The following SBNO1 variants were observed in gnomAD, a reference collection of about 807,000 sequenced individuals.
SBNO1 encodes the protein strawberry notch homolog 1.
Under a neutral mutation model 173.6 loss-of-function variants are expected in SBNO1, and 23 were observed. The ratio of observed to expected loss-of-function variants is 0.13; its 90% CI spans 0.10 to 0.19. The LOEUF (loss-of-function observed/expected upper bound fraction) is 0.19. Ranked by LOEUF, SBNO1 falls within the 10% of genes least tolerant of loss-of-function variation. SBNO1 has a pLI of 1.00. For synonymous variants in SBNO1, 632 were observed against 571.5 expected, an observed-to-expected ratio of 1.11 and a Z score of -1.51; for missense variants, 1,238 against 1,671.2, an observed-to-expected ratio of 0.74 and a Z score of 4.52.
chr12:123,345,152 A>G (rs903505317), intron 4 of SBNO1, 106 bp downstream of exon 4: 30 of 945,310 alleles, frequency 3.2e-5, no homozygotes, highest in African/African-American at 4.9e-5. Context: ...TGCATATAAC[A>G]CCCTTTTATG....
chr12:123,354,134 T>C (rs371555480), intron 1 of SBNO1, among the ~76,000 whole-genome samples: 4 of 152,148 alleles, frequency 2.6e-5, no homozygotes, highest in South Asian at 2.1e-4. Flanking sequence ...TTGATGTTCA[T>C]GTAAGAAAGA....
chr12:123,298,358 C>G (rs948458537), intron 30 of SBNO1, among the ~76,000 whole-genome samples, 187 bp from the exon 31 acceptor site: 5 of 152,088 alleles, frequency 3.3e-5, no homozygotes, highest in African/African-American at 1.2e-4. Context: ...CCTCTGCCTC[C>G]CAGGGTCAAG....
At chr12:123,325,676 A>T in intron 14 of SBNO1, 77 bp from the exon 15 acceptor site, 1 of 938,594 alleles carries the variant, frequency 1.1e-6, no homozygotes, top group Non-Finnish European at 1.7e-6. Flanking sequence ...TTAAACATTT[A>T]GCTAAACAAA....
Position 123,297,959 on chromosome 12 carries a change from A to T in SBNO1, c.4039+19T>A. Reference sequence around the variant, plus strand: ...CGATTTTTTCCTGCAACTCAAACCAAAACAAAAATTAGACTCACCTACAAT... The same window carrying T: ...CGATTTTTTCCTGCAACTCAAACCATAACAAAAATTAGACTCACCTACAAT... On this transcript the variant is annotated intron_variant, in intron 31 of 31. Coordinates refer to ENST00000602398, the MANE Select transcript of SBNO1 (RefSeq NM_001167856.3). 6.2e-7 allele frequency: 1 copy of T among 1,608,358 alleles called. No homozygotes were observed. Among genetic ancestry groups the T allele is most frequent in the African/African-American group, 1.3e-5 (1 of 74,632 alleles).
intron 27 of SBNO1, 31 bp downstream of exon 27, chr12:123,309,458 G>C (rs1441758408): frequency 1.3e-6 from 2 of 1,599,670 alleles, no homozygotes; most frequent in Admixed American, 3.3e-5. Context: ...CTCATGGGAA[G>C]ACGATACTTC....
rs912784398 is a variant in SBNO1, at chr12:123,350,233, C to T, written c.132+77G>A. On this transcript the variant is annotated intron_variant, in intron 2 of 31. Coordinates refer to ENST00000602398, the MANE Select transcript of SBNO1 (RefSeq NM_001167856.3). ...TGCACCACTGCACCCCAGCCTGGGC[C>T]ACAGAGTGAGACTATCTTAAAAAAA... 3 of 1,541,776 alleles carry T rather than the reference C, an allele frequency of 1.9e-6. No homozygotes were observed. In the African/African-American group the frequency reaches 4.1e-5, roughly 21 times the overall value.
At chr12:123,297,015 T>G (rs1217712783) in intron 31 of SBNO1, among the ~76,000 whole-genome samples, 1 of 151,942 alleles carries the variant, frequency 6.6e-6, no homozygotes, top group African/African-American at 2.4e-5. Flanking sequence ...CTTTTGAAAC[T>G]GGAAATCTAG....
chr12:123,361,218 TG>T (rs1875118585), intron 1 of SBNO1, among the ~76,000 whole-genome samples: 1 of 151,408 alleles, frequency 6.6e-6, no homozygotes, highest in South Asian at 2.1e-4. Flanking sequence ...CACTCCAGCC[TG>T]GGCAACAAAG....
At chr12:123,347,077 C>CA (rs397957462) in intron 3 of SBNO1, among the ~76,000 whole-genome samples, 62,528 of 109,382 alleles carry the variant, frequency 0.57, 18,459 homozygotes, top group East Asian at 0.73. Flanking sequence ...GTCTCCGTCT[C>CA]AAAAAAAAAA....
chr12:123,329,606 T>A (rs548743317), intron 9 of SBNO1, among the ~76,000 whole-genome samples: 145 of 151,726 alleles, frequency 9.6e-4, no homozygotes, highest in Non-Finnish European at 1.7e-3. Context: ...AAAAAAAAAA[T>A]TCTAGATGCC....
At chr12:123,334,240 T>G in intron 6 of SBNO1, 27 bp from the exon 7 acceptor site, 1 of 1,336,720 alleles carries the variant, frequency 7.5e-7, no homozygotes, top group Non-Finnish European at 1.0e-6. Flanking sequence ...AAACATTTTA[T>G]TTTAATTATT....
intron 8 of SBNO1, 151 bp from the exon 9 acceptor site, chr12:123,330,660 G>A (rs1871110498): frequency 1.7e-6 from 1 of 589,258 alleles, no homozygotes; most frequent in Non-Finnish European, 2.9e-6. Flanking sequence ...ATCCCACTGA[G>A]TGCAGTGGCT....
In SBNO1 at chr12:123,340,540, C is replaced by T. The variant is rs898902452; in HGVS notation, c.651+448G>A. 8.8e-5 allele frequency among the ~76,000 whole-genome samples: 12 copies of T among 137,062 alleles called. No homozygotes were observed. In the Admixed American group the frequency reaches 9.4e-4, roughly 11 times the overall value. The allele number at this position is 137,062 out of a possible 152,430, so 89.9% of individuals were successfully genotyped here. A position where few individuals can be genotyped will look rare whatever the true frequency, so the allele number is the denominator to read the frequency against. On this transcript the variant is annotated intron_variant, in intron 5 of 31. Transcript: ENST00000602398. ...AGGTTACAGTGAGCCAAGATAGCAC[C>T]ACTGCACTCCAGCCTGGGCGATAAG...
intron 3 of SBNO1, 80 bp downstream of exon 3, chr12:123,347,943 AGGTGCG>A: frequency 1.4e-6 from 1 of 726,682 alleles, no homozygotes; most frequent in Non-Finnish European, 2.4e-6. Context: ...CTGAGACTAC[AGGTGCG>A]AATCACCACA....
intron 31 of SBNO1, among the ~76,000 whole-genome samples, chr12:123,297,398 TC>T (rs1566018658): frequency 1.1e-4 from 1 of 9,462 alleles, no homozygotes; most frequent in Non-Finnish European, 3.3e-4. Flanking sequence ...AATACTGGTG[TC>T]CAAAAAAAAA....
intron 16 of SBNO1, 67 bp from the exon 17 acceptor site, chr12:123,321,799 T>C (rs1174733805): frequency 1.6e-6 from 2 of 1,241,168 alleles, no homozygotes; most frequent in Non-Finnish European, 2.3e-6. Flanking sequence ...GTACATCACA[T>C]TTAGTTCATG....
intron 25 of SBNO1, among the ~76,000 whole-genome samples, chr12:123,310,604 G>C (rs576451041): frequency 6.6e-6 from 1 of 151,168 alleles, no homozygotes; most frequent in East Asian, 1.9e-4. Context: ...GTGCAATCTC[G>C]GCTCACTGCA....
chr12:123,298,306 G>A lies in SBNO1; in HGVS notation c.3846-135C>T. The A allele has an allele frequency of 1.3e-5, 12 of 891,008 alleles. No individual in the cohort carries two copies. In the South Asian group the frequency reaches 1.4e-4, roughly 10 times the overall value. The allele number at this position is 891,008 out of a possible 1,614,324, so 55.2% of individuals were successfully genotyped here. A position where few individuals can be genotyped will look rare whatever the true frequency, so the allele number is the denominator to read the frequency against. ...GTTGAGATGGAGTTTTGCTCTTGTTGCCCAGACTGGAGCGCAGTGGTGCGA... is the reference window on the plus strand; with the variant it reads ...GTTGAGATGGAGTTTTGCTCTTGTTACCCAGACTGGAGCGCAGTGGTGCGA... On this transcript the variant is annotated intron_variant, in intron 30 of 31. Coordinates refer to ENST00000602398, the MANE Select transcript of SBNO1 (RefSeq NM_001167856.3).
intron 30 of SBNO1, among the ~76,000 whole-genome samples, chr12:123,301,931 C>T (rs548103130): frequency 1.3e-5 from 2 of 148,790 alleles, no homozygotes; most frequent in East Asian, 2.0e-4. Flanking sequence ...AGAAGGAGGG[C>T]GAAAAAGTGG....
Sources: allele counts gnomAD v4.1 joint callset (sites outside exome capture counted in the v4.1 genomes callset), GRCh38; gene constraint gnomAD v4.1.1; transcripts MANE v1.5; gene names NCBI Gene and HGNC (gene_info 2026-07-23, HGNC 2026-07-21).